COL7A1: variants seen among roughly 807,000 people sequenced by gnomAD.
The protein encoded by COL7A1 is collagen type VII alpha 1 chain.
In COL7A1, 296 loss-of-function variants were observed where a neutral mutation model predicts 456.2. The observed-to-expected ratio is 0.65, with a 90% CI of 0.59 to 0.71. The LOEUF is 0.71. Among genes scored for constraint, COL7A1 ranks in the 30% least tolerant of loss-of-function variants. The pLI is 0.00. For missense variants in COL7A1, 3,441 were observed against 4,017.2 expected (o/e 0.86, Z 3.88); for synonymous variants, 1,464 against 1,525.9 (o/e 0.96, Z 0.95).
At position 48,569,461 on chromosome 3, in the gene COL7A1, G is replaced by A; in HGVS notation, c.7615-15C>T. The A allele has an allele frequency of 1.2e-6, 2 of 1,614,178 alleles. No individual in the cohort carries two copies. Among genetic ancestry groups the A allele is most frequent in the South Asian group, 1.1e-5 (1 of 91,088 alleles). Reference sequence around the variant, plus strand: ...CCTCGTTCACCCTGGGTTGGTTTGGGTAAGAAGTCACGGTAAGGGGCTGAA... The same window carrying A: ...CCTCGTTCACCCTGGGTTGGTTTGGATAAGAAGTCACGGTAAGGGGCTGAA... On this transcript the variant is annotated splice_polypyrimidine_tract_variant and intron_variant, in intron 102 of 118. Coordinates refer to ENST00000681320, the MANE Select transcript of COL7A1 (RefSeq NM_000094.4). The surrounding 1 kb of genome is among the most constrained non-coding windows in gnomAD (Gnocchi z 4.9).
chr3:48,593,045 A>G lies in COL7A1; in HGVS notation c.682+57T>C. On this transcript the variant is annotated intron_variant, in intron 6 of 118. Coordinates refer to ENST00000681320, the MANE Select transcript of COL7A1 (RefSeq NM_000094.4). This position sits in a 1 kb window ranked among gnomAD's most constrained non-coding sequence, Gnocchi z 4.4. ...ACATAGGATGGAATCAGCACTGCCAAGTGGGGATTGGGGTCCGGGGTCTAG... is the reference window on the plus strand; with the variant it reads ...ACATAGGATGGAATCAGCACTGCCAGGTGGGGATTGGGGTCCGGGGTCTAG... 6.2e-7 allele frequency: 1 copy of G among 1,613,624 alleles called. No individual in the cohort carries two copies. The highest frequency in any genetic ancestry group is 8.5e-7 in the Non-Finnish European group (1 of 1,179,780).
In COL7A1 at chr3:48,579,745, A is replaced by G. The variant is rs749928624; in HGVS notation, c.5154+40T>C. 2 of 1,613,888 alleles carry G rather than the reference A, an allele frequency of 1.2e-6. No individual in the cohort carries two copies. The highest frequency in any genetic ancestry group is 1.3e-5 in the African/African-American group (1 of 74,918). ...CAAGGTAGAACCTGCTGGGAGGGGC[A>G]CTGGGGTCTTTCTTACCCTCCACCC... On this transcript the variant is annotated intron_variant, in intron 58 of 118. Coordinates refer to ENST00000681320, the MANE Select transcript of COL7A1 (RefSeq NM_000094.4). The surrounding 1 kb of genome is among the most constrained non-coding windows in gnomAD (Gnocchi z 4.4).
At position 48,594,989 on chromosome 3, in the gene COL7A1, C is replaced by CG; in HGVS notation, c.85+85dup. On this transcript the variant is annotated intron_variant, in intron 2 of 118. Transcript: ENST00000681320. The surrounding 1 kb of genome is among the most constrained non-coding windows in gnomAD (Gnocchi z 5.5). ...GTCGTGGAGTTGGCTGGGTTGTGGG[C>CG]GGGGGGTGTTGGGGATGAAGGCCGA... 2 of 1,102,696 alleles carry CG rather than the reference C, an allele frequency of 1.8e-6. No homozygotes were observed. The highest frequency in any genetic ancestry group is 2.6e-6 in the Non-Finnish European group (2 of 756,736). The allele number at this position is 1,102,696 out of a possible 1,614,324, so 68.3% of individuals were successfully genotyped here.
At position 48,585,761 on chromosome 3, in the gene COL7A1, T is replaced by A. The variant is rs745435582; in HGVS notation, c.3787-27A>T. ...TAGGAAGGGTAATCAGTGAGACCTG[T>A]GCTGCCAACCTCTCCTGCCCCACTG... On this transcript the variant is annotated intron_variant, in intron 30 of 118. Coordinates refer to ENST00000681320, the MANE Select transcript of COL7A1 (RefSeq NM_000094.4). The surrounding 1 kb of genome is among the most constrained non-coding windows in gnomAD (Gnocchi z 4.5). 4 of 1,614,038 alleles carry A rather than the reference T, an allele frequency of 2.5e-6. No individual in the cohort carries two copies. In the South Asian group the frequency reaches 3.3e-5, roughly 13 times the overall value.
Position 48,575,741 on chromosome 3 carries a change from G to C in COL7A1, c.5864C>G (p.Ala1955Gly). The change falls in exon 73 of 119, where the codon GCC becomes GGC. Residue 1955 changes from alanine to glycine, a missense_variant. Transcript: ENST00000681320. The surrounding 1 kb of genome is among the most constrained non-coding windows in gnomAD (Gnocchi z 6.3). The stretch of plus-strand genomic sequence containing the variant: ...CCAGGTCTCCACGATCTCCCGCAGG[G>C]CAGATGCCTGAGGGACAGCAAGAGG... Reference protein sequence around the residue: ...LLETAGIKASALREIVETWDE... With the variant: ...LLETAGIKASGLREIVETWDE... The C allele has an allele frequency of 6.2e-7, 1 of 1,614,042 alleles. No individual in the cohort carries two copies. Among genetic ancestry groups the C allele is most frequent in the Non-Finnish European group, 8.5e-7 (1 of 1,180,024 alleles).
Position 48,579,408 on chromosome 3 carries a change from G to C in COL7A1, c.5272-4C>G, listed in dbSNP as rs2044564200. On this transcript the variant is annotated splice_polypyrimidine_tract_variant and splice_region_variant and intron_variant, in intron 60 of 118. Transcript: ENST00000681320. The surrounding 1 kb of genome is among the most constrained non-coding windows in gnomAD (Gnocchi z 4.4). ...GGCCTCGGACACCTGGGTCCCCCTG[G>C]AGGGAACAGGGTCAGATAAGAGGTG... 6.2e-7 allele frequency: 1 copy of C among 1,614,080 alleles called. No individual in the cohort carries two copies. The highest frequency in any genetic ancestry group is 1.1e-5 in the South Asian group (1 of 91,094).
At chr3:48,582,881 T>C in intron 44 of COL7A1, 132 bp downstream of exon 44, 2 of 1,390,878 alleles carry the variant, frequency 1.4e-6, no homozygotes, top group Non-Finnish European at 1.0e-6. Flanking sequence ...GGTTAGAGCC[T>C]GTATCAGCAG....
chr3:48,594,449 T>G lies in COL7A1; in HGVS notation c.185A>C (p.Glu62Ala). 1.2e-6 allele frequency: 2 copies of G among 1,612,232 alleles called. No individual in the cohort carries two copies. The highest frequency in any genetic ancestry group is 1.1e-5 in the South Asian group (1 of 91,002). ...TCCAGAGAAAGGCAGCACCAGCCCT[T>G]CGAGAAAGCTGCGGACCTCGCGGAA... ...SNFREVRSFL[E>A]GLVLPFSGAA... Residue 62 changes from glutamate (E) to alanine (A), a missense_variant, in exon 3 of 119, where the codon GAA (glutamate) becomes GCA (alanine). Glu to Ala is a moderately radical substitution (Grantham distance 107). Coordinates refer to ENST00000681320, the MANE Select transcript of COL7A1 (RefSeq NM_000094.4). The surrounding 1 kb of genome is among the most constrained non-coding windows in gnomAD (Gnocchi z 5.5).
chr3:48,571,627 C>T lies in COL7A1; in HGVS notation c.7069-349G>A, dbSNP rs1347764140. 3.0e-6 allele frequency: 2 copies of T among 656,980 alleles called. No homozygotes were observed. The highest frequency in any genetic ancestry group is 4.2e-5 in the Admixed American group (2 of 48,076). The allele number at this position is 656,980 out of a possible 1,614,324, so 40.7% of individuals were successfully genotyped here. A position where few individuals can be genotyped will look rare whatever the true frequency, so the allele number is the denominator to read the frequency against. On this transcript the variant is annotated intron_variant, in intron 92 of 118. Coordinates refer to ENST00000681320, the MANE Select transcript of COL7A1 (RefSeq NM_000094.4). The surrounding 1 kb of genome is among the most constrained non-coding windows in gnomAD (Gnocchi z 4.6). ...CACGTCCACTCCCGGGTAGAGCAGGCATGGCCACAGGCTGAACGCTGGCAG... is the reference window on the plus strand; with the variant it reads ...CACGTCCACTCCCGGGTAGAGCAGGTATGGCCACAGGCTGAACGCTGGCAG...
Position 48,587,226 on chromosome 3 carries a change from C to T in COL7A1, c.3103G>A (p.Val1035Met). 1.2e-6 allele frequency: 2 copies of T among 1,613,616 alleles called. No individual in the cohort carries two copies. Among genetic ancestry groups the T allele is most frequent in the Non-Finnish European group, 1.7e-6 (2 of 1,179,892 alleles). Residue 1035 changes from valine to methionine, a missense_variant, in exon 24 of 119, where the codon GTG (valine) becomes ATG (methionine). By Grantham distance (21) the Val-to-Met change is conservative. Transcript: ENST00000681320. This position sits in a 1 kb window ranked among gnomAD's most constrained non-coding sequence, Gnocchi z 6.1. ...IFSLTPVLDG[V>M]RGPEASVTQT... ...GTGACAGATGCCTCAGGACCCCGCA[C>T]ACCATCCAGGACAGGCGTCAGGGAG... is the stretch of plus-strand genomic sequence containing the variant.
intron 18 of COL7A1, 131 bp from the exon 19 acceptor site, chr3:48,589,126 G>A: frequency 6.5e-7 from 1 of 1,532,926 alleles, no homozygotes; most frequent in South Asian, 1.1e-5. Context: ...GCCCTGAGGA[G>A]GAGGAGGTCA....
In COL7A1 at chr3:48,567,340, C is replaced by A; in HGVS notation, c.8047-150G>T. Reference sequence around the variant, plus strand: ...CAACCAGATGTGATCCCCATGACTCCAACTCCACTATAGCCCCCTGCCCTG... The same window carrying A: ...CAACCAGATGTGATCCCCATGACTCAAACTCCACTATAGCCCCCTGCCCTG... On this transcript the variant is annotated intron_variant, in intron 109 of 118. Coordinates refer to ENST00000681320, the MANE Select transcript of COL7A1 (RefSeq NM_000094.4). This position sits in a 1 kb window ranked among gnomAD's most constrained non-coding sequence, Gnocchi z 4.3. 1 of 1,036,696 alleles carries A rather than the reference C, an allele frequency of 9.6e-7. No homozygotes were observed. The highest frequency in any genetic ancestry group is 1.5e-6 in the Non-Finnish European group (1 of 684,512). The allele number at this position is 1,036,696 out of a possible 1,614,324, so 64.2% of individuals were successfully genotyped here. A position where few individuals can be genotyped will look rare whatever the true frequency, so the allele number is the denominator to read the frequency against.
rs1306790149 is a variant in COL7A1 at position 48,578,633 on chromosome 3, G to C, written c.5425-118C>G. 1.6e-6 allele frequency: 2 copies of C among 1,216,280 alleles called. No homozygotes were observed. Among genetic ancestry groups the C allele is most frequent in the Non-Finnish European group, 2.4e-6 (2 of 844,344 alleles). 75.3% of individuals were successfully genotyped at this position (1,216,280 alleles called of 1,614,324 possible). On this transcript the variant is annotated intron_variant, in intron 63 of 118. Transcript: ENST00000681320. This position sits in a 1 kb window ranked among gnomAD's most constrained non-coding sequence, Gnocchi z 4.7. ...CCAGGGTAGAGACCCCCAGGACTGA[G>C]AGGTCCCATTGAGATCCCTCAGGCA...
chr3:48,575,080 C>T lies in COL7A1; in HGVS notation c.6263G>A (p.Gly2088Glu). The change falls in exon 76 of 119, where the codon GGA becomes GAA. Residue 2088 changes from glycine (G) to glutamate (E), a missense_variant. Around this residue, in one of 3 missense-constraint regions of COL7A1, gnomAD observed 2,084 missense variants for 2,501.3 expected, o/e 0.83. Coordinates refer to ENST00000681320, the MANE Select transcript of COL7A1 (RefSeq NM_000094.4). The surrounding 1 kb of genome is among the most constrained non-coding windows in gnomAD (Gnocchi z 6.3). ...PGLPGTPGPP[G>E]PPGPKVSVDE... The stretch of plus-strand genomic sequence containing the variant: ...GGTGATCACCTTGGGGCCAGGGGGT[C>T]CGGGGGGCCCAGGGGTTCCAGGGAG... 6.2e-7 allele frequency: 1 copy of T among 1,613,634 alleles called. No homozygotes were observed.
rs2043772547 is a variant in COL7A1 at position 48,569,400 on chromosome 3, C to A, written c.7661G>T (p.Gly2554Val). ...RGLDGDKGPR[G>V]DNGDPGDKGS... ...CTTGTCACCAGGGTCCCCATTGTCT[C>A]CCCGAGGTCCTTTGTCACCATCCAA... The change falls in exon 103 of 119, where the codon GGA becomes GTA. Residue 2554 changes from glycine (G) to valine (V), a missense_variant. This residue lies in a region of COL7A1 where 2,084 missense variants were observed against 2,501.3 expected (regional missense o/e 0.83). Transcript: ENST00000681320. This position sits in a 1 kb window ranked among gnomAD's most constrained non-coding sequence, Gnocchi z 4.9. 1 of 1,614,070 alleles carries A rather than the reference C, an allele frequency of 6.2e-7. No homozygotes were observed. Among genetic ancestry groups the A allele is most frequent in the South Asian group, 1.1e-5 (1 of 91,094 alleles).
At chr3:48,577,064 C>CT in intron 65 of COL7A1, 37 bp from the exon 66 acceptor site, 1 of 1,613,538 alleles carries the variant, frequency 6.2e-7, no homozygotes, top group South Asian at 1.1e-5. Flanking sequence ...CAAACATTCA[C>CT]TGGTGTCTGG....
chr3:48,571,848 G>T lies in COL7A1; in HGVS notation c.7068+153C>A. ...CAGAGTGTGGAAGCCGACAGTGTGT[G>T]GCTCCCTGTGATCCAGAGAGCAGGC... On this transcript the variant is annotated intron_variant, in intron 92 of 118. Coordinates refer to ENST00000681320, the MANE Select transcript of COL7A1 (RefSeq NM_000094.4). The surrounding 1 kb of genome is among the most constrained non-coding windows in gnomAD (Gnocchi z 4.6). 1.1e-6 allele frequency: 1 copy of T among 918,872 alleles called. No individual in the cohort carries two copies. Among genetic ancestry groups the T allele is most frequent in the South Asian group, 1.6e-5 (1 of 64,258 alleles). The allele number at this position is 918,872 out of a possible 1,614,324, so 56.9% of individuals were successfully genotyped here.
chr3:48,588,470 AC>A lies in COL7A1; in HGVS notation c.2588-67del. The A allele has an allele frequency of 6.3e-7, 1 of 1,593,608 alleles. No homozygotes were observed. Among genetic ancestry groups the A allele is most frequent in the East Asian group, 2.3e-5 (1 of 44,330 alleles). On this transcript the variant is annotated intron_variant, in intron 20 of 118. Transcript: ENST00000681320. The surrounding 1 kb of genome is among the most constrained non-coding windows in gnomAD (Gnocchi z 4.6). The stretch of plus-strand genomic sequence containing the variant: ...TGGCCCCTGCACCAATCCCAGGCCC[AC>A]CCTGGCACACGCACCCCGCCCAGCC...
chr3:48,585,453 G>T lies in COL7A1; in HGVS notation c.3894+104C>A, dbSNP rs532595757. On this transcript the variant is annotated intron_variant, in intron 32 of 118. Coordinates refer to ENST00000681320, the MANE Select transcript of COL7A1 (RefSeq NM_000094.4). This position sits in a 1 kb window ranked among gnomAD's most constrained non-coding sequence, Gnocchi z 4.5. ...TTATAACCTCCAGCTGGGCTTCTAGGAATTCCCGATGATTCTAACTCTGCT... is the reference window on the plus strand; with the variant it reads ...TTATAACCTCCAGCTGGGCTTCTAGTAATTCCCGATGATTCTAACTCTGCT... 7.4e-6 allele frequency: 10 copies of T among 1,349,604 alleles called. No individual in the cohort carries two copies. Among genetic ancestry groups the T allele is most frequent in the South Asian group, 3.5e-5 (3 of 85,726 alleles). 83.6% of individuals were successfully genotyped at this position (1,349,604 alleles called of 1,614,324 possible).
Sources: gnomAD v4.1 joint callset for allele counts on GRCh38, gnomAD v4.1.1 for gene constraint, gnomAD v4.1.1 regional missense constraint, Gnocchi (gnomAD v3.1) non-coding constraint, MANE v1.5 for transcripts, NCBI Gene and HGNC (gene_info 2026-07-23, HGNC 2026-07-21) for gene names.